Variants in CASD1 observed in about 807,000 individuals in gnomAD.
CASD1 encodes CAS1 domain sialic acid O acetyltransferase 1.
CASD1 carries 41 observed loss-of-function variants against 100.0 expected under a neutral mutation model. The ratio of observed to expected loss-of-function variants is 0.41; its 90% confidence interval spans 0.32 to 0.53. CASD1 has a LOEUF of 0.53. CASD1 is among the 20% of genes least tolerant of loss of function. CASD1 has a pLI of 0.25. For synonymous variants in CASD1, 321 were observed against 315.6 expected, an observed-to-expected ratio of 1.02 and a Z score of -0.18; for missense variants, 774 against 948.7, an observed-to-expected ratio of 0.82 and a Z score of 2.42.
downstream of CASD1, among the ~76,000 whole-genome samples, chr7:94,558,053 A>T (rs1407204060): frequency 6.6e-6 from 1 of 152,164 alleles, no homozygotes; most frequent in Non-Finnish European, 1.5e-5. Flanking sequence ...TAGAAATCAC[A>T]GTCAGAAATC....
At chr7:94,522,667 T>TA (rs1400563583) in intron 3 of CASD1, among the ~76,000 whole-genome samples, 9 of 32,776 alleles carry the variant, frequency 2.7e-4, no homozygotes, top group Non-Finnish European at 4.1e-4. Flanking sequence ...TATTTATTTT[T>TA]TTTTTTTGAG....
intron 3 of CASD1, among the ~76,000 whole-genome samples, chr7:94,524,469 G>C (rs1794448183): frequency 6.6e-6 from 1 of 152,092 alleles, no homozygotes; most frequent in Non-Finnish European, 1.5e-5. Context: ...AATTAAATCT[G>C]ACAATGGCAA....
At chr7:94,619,859 A>G in the CASD1 span, 1 of 151,972 alleles carries the variant, frequency 6.6e-6, no homozygotes, top group Non-Finnish European at 1.5e-5. Flanking sequence ...ATGTGAACTT[A>G]CCTTGTACGA....
chr7:94,563,118 C>T, the CASD1 span, among the ~76,000 whole-genome samples: 1 of 152,070 alleles, frequency 6.6e-6, no homozygotes, highest in Admixed American at 6.6e-5. Flanking sequence ...CTATGAATCT[C>T]CAATGATGTA....
At chr7:94,586,963 TTAGTC>T in the CASD1 span, 160 of 983,252 alleles carry the variant, frequency 1.6e-4, 1 homozygote, top group African/African-American at 2.6e-3. Flanking sequence ...ATACTGTACT[TTAGTC>T]TATAATATGA....
chr7:94,537,558 T>C lies in CASD1; in HGVS notation c.930T>C (p.Thr310=), dbSNP rs1268616856. Residue 310 remains threonine, a synonymous_variant, in exon 9 of 18, where the codon ACT becomes ACC. Transcript: ENST00000297273. ...GTTGTCAACCTCGGCCTCCTGTTACTCTCATACAGAAGCTAGCTGCTTGTT... is the reference window on the plus strand; with the variant it reads ...GTTGTCAACCTCGGCCTCCTGTTACCCTCATACAGAAGCTAGCTGCTTGTT... ...GSCCQPRPPV[T]LIQKLAACFF... is the part of the protein sequence containing the mutation. 1.2e-6 allele frequency: 2 copies of C among 1,613,804 alleles called. No homozygotes were observed. Among genetic ancestry groups the C allele is most frequent in the Non-Finnish European group, 1.7e-6 (2 of 1,179,870 alleles).
At chr7:94,569,675 C>G in the CASD1 span, among the ~76,000 whole-genome samples, 1 of 152,108 alleles carries the variant, frequency 6.6e-6, no homozygotes, top group Middle Eastern at 3.4e-3. Context: ...AAATCCGGGC[C>G]TCAAGTGGTC....
the CASD1 span, among the ~76,000 whole-genome samples, chr7:94,567,712 T>G: frequency 6.6e-6 from 1 of 152,198 alleles, no homozygotes; most frequent in Non-Finnish European, 1.5e-5. Context: ...TATTATTTCC[T>G]TGTTATGTAT....
At chr7:94,533,598 A>G in intron 6 of CASD1, 81 bp from the exon 7 acceptor site, 3 of 1,015,736 alleles carry the variant, frequency 3.0e-6, no homozygotes, top group Non-Finnish European at 4.1e-6. Flanking sequence ...AAATAATAAC[A>G]CTTGTTACAG....
At chr7:94,561,580 CTGTG>C (rs571884254), downstream of CASD1, among the ~76,000 whole-genome samples, 13 of 152,040 alleles carry the variant, frequency 8.6e-5, no homozygotes, top group South Asian at 2.1e-4. Flanking sequence ...GCCCATCTGT[CTGTG>C]TGAGAGCACA....
the CASD1 span, among the ~76,000 whole-genome samples, chr7:94,606,907 T>C: frequency 5.3e-5 from 8 of 152,164 alleles, no homozygotes; most frequent in Non-Finnish European, 1.2e-4. Context: ...GAAAATATTC[T>C]GAATTAAATA....
At chr7:94,616,157 G>A in the CASD1 span, among the ~76,000 whole-genome samples, 2 of 152,096 alleles carry the variant, frequency 1.3e-5, no homozygotes, top group Non-Finnish European at 2.9e-5. Context: ...TGCAGGTTGG[G>A]CTCATGGGGA....
chr7:94,509,967 C>A lies in CASD1; in HGVS notation c.-118C>A, dbSNP rs1363992357. The stretch of plus-strand genomic sequence containing the variant: ...GTTCCCCGGCGGGAGGCGCAGGTGG[C>A]GGCCTGGGGAGCTGGCGGCCGCTCC... On this transcript the variant is annotated 5_prime_UTR_variant, in exon 1 of 18. Transcript: ENST00000297273. The A allele has an allele frequency of 9.9e-6, 12 of 1,215,524 alleles. No individual in the cohort carries two copies. Among genetic ancestry groups the A allele is most frequent in the Non-Finnish European group, 1.2e-5 (12 of 969,278 alleles). The allele number at this position is 1,215,524 out of a possible 1,614,324, so 75.3% of individuals were successfully genotyped here.
intron 1 of CASD1, 74 bp from the exon 2 acceptor site, chr7:94,517,484 CTT>C (rs1794036955): frequency 1.2e-6 from 1 of 857,464 alleles, no homozygotes; most frequent in Admixed American, 2.4e-5. Context: ...TTTCAAGGAA[CTT>C]ATATAGGGTC....
At chr7:94,602,777 T>C in the CASD1 span, among the ~76,000 whole-genome samples, 2 of 152,168 alleles carry the variant, frequency 1.3e-5, no homozygotes, top group Non-Finnish European at 2.9e-5. Context: ...GAAAGAAATA[T>C]TATGTTTATG....
intron 13 of CASD1, among the ~76,000 whole-genome samples, chr7:94,549,238 G>A (rs548943406): frequency 6.6e-6 from 1 of 151,876 alleles, no homozygotes; most frequent in South Asian, 2.1e-4. Flanking sequence ...TGATTTGGGG[G>A]CTTAAGAAAA....
At chr7:94,623,385 T>C in the CASD1 span, 6 of 1,601,452 alleles carry the variant, frequency 3.7e-6, no homozygotes, top group South Asian at 1.1e-5. Context: ...GTGCGCCTGT[T>C]GTAGGCAGTT....
the CASD1 span, among the ~76,000 whole-genome samples, chr7:94,607,068 A>G: frequency 6.6e-6 from 1 of 152,162 alleles, no homozygotes; most frequent in Admixed American, 6.5e-5. Flanking sequence ...GAAAAAGAAG[A>G]ACAAATGAAA....
At chr7:94,534,776 T>C (rs1013795900) in intron 7 of CASD1, among the ~76,000 whole-genome samples, 2 of 152,200 alleles carry the variant, frequency 1.3e-5, no homozygotes, top group Admixed American at 6.5e-5. Context: ...ATTCACAGAC[T>C]CATTGTTAAC....
Sources: gnomAD v4.1 joint callset for allele counts (sites outside exome capture counted in the v4.1 genomes callset) on GRCh38, gnomAD v4.1.1 for gene constraint, MANE v1.5 for transcripts, NCBI Gene and HGNC (gene_info 2026-07-23, HGNC 2026-07-21) for gene names.